Variants in UNC45B observed in about 807,000 individuals in gnomAD.
UNC45B encodes the protein protein unc-45 homolog B.
UNC45B carries 78 observed loss-of-function variants against 98.7 expected under a neutral mutation model. The ratio of observed to expected loss-of-function variants is 0.79; its 90% CI spans 0.66 to 0.95. UNC45B has a LOEUF of 0.95. UNC45B is among the 40% of genes least tolerant of loss of function. UNC45B has a pLI of 0.00. For missense variants in UNC45B, 1,225 were observed against 1,184.9 expected (o/e 1.03, Z -0.50); for synonymous variants, 462 against 480.4 (o/e 0.96, Z 0.50).
chr17:35,168,029 G>C, intron 9 of UNC45B, 32 bp from the exon 10 acceptor site: 1 of 1,429,702 alleles, frequency 7.0e-7, no homozygotes, highest in Non-Finnish European at 9.2e-7. Context: ...TCTTGGACCA[G>C]TTCTCTTGAC....
At position 35,186,667 on chromosome 17, in the gene UNC45B, G is replaced by T; in HGVS notation, c.*108G>T. 1 of 1,294,506 alleles carries T rather than the reference G, an allele frequency of 7.7e-7. No homozygotes were observed. Among genetic ancestry groups the T allele is most frequent in the African/African-American group, 1.5e-5 (1 of 68,124 alleles). The allele number at this position is 1,294,506 out of a possible 1,614,324, so 80.2% of individuals were successfully genotyped here. On this transcript the variant is annotated 3_prime_UTR_variant, in exon 20 of 20. Transcript: ENST00000394570. ...ATCTAGGGATCATAGCAGTGACAAT[G>T]AAGTCTCAATATAAAGGAAAGACTT... is the stretch of plus-strand genomic sequence containing the variant.
chr17:35,153,261 T>G (rs2092033857), intron 5 of UNC45B, among the ~76,000 whole-genome samples: 1 of 152,208 alleles, frequency 6.6e-6, no homozygotes, highest in African/African-American at 2.4e-5. Context: ...ATTTTGATTT[T>G]TAAAAATATA....
At chr17:35,165,631 A>C (rs963174054) in intron 9 of UNC45B, among the ~76,000 whole-genome samples, 1 of 152,134 alleles carries the variant, frequency 6.6e-6, no homozygotes, top group Admixed American at 6.5e-5. Flanking sequence ...CATATTTTTA[A>C]AAATCCTTTA....
chr17:35,148,968 C>T lies in UNC45B; in HGVS notation c.169-5C>T, dbSNP rs1389578511. ...CGAGTCTCCTTCTCCTTCCCCTTTC[C>T]TCAGGAGAGCTACGTCCAGGCAGCT... On this transcript the variant is annotated splice_polypyrimidine_tract_variant and splice_region_variant and intron_variant, in intron 2 of 19. Transcript: ENST00000394570. 21 of 1,613,998 alleles carry T rather than the reference C, an allele frequency of 1.3e-5. No individual in the cohort carries two copies. Among genetic ancestry groups the T allele is most frequent in the African/African-American group, 2.7e-5 (2 of 74,906 alleles).
At chr17:35,156,738 A>T (rs943751153) in intron 7 of UNC45B, among the ~76,000 whole-genome samples, 2 of 152,220 alleles carry the variant, frequency 1.3e-5, no homozygotes, top group Non-Finnish European at 2.9e-5. Context: ...TAAAAATGAG[A>T]ATAAATGCCT....
At chr17:35,183,067 C>A (rs2092283249) in intron 18 of UNC45B, among the ~76,000 whole-genome samples, 1 of 151,700 alleles carries the variant, frequency 6.6e-6, no homozygotes, top group African/African-American at 2.4e-5. Context: ...CCTGAAGGCC[C>A]ATCCATTATG....
rs772894786 is a variant in UNC45B at position 35,149,012 on chromosome 17, G to A, written c.205+3G>A. 3.1e-6 allele frequency: 5 copies of A among 1,614,064 alleles called. No homozygotes were observed. Among genetic ancestry groups the A allele is most frequent in the Non-Finnish European group, 1.7e-6 (2 of 1,180,000 alleles). Reference sequence around the variant, plus strand: ...GGCAGCTTCAGATGCCTCCAGAGGTGAGCCCCTCCCACCTCCAAGCTTGCC... The same window carrying A: ...GGCAGCTTCAGATGCCTCCAGAGGTAAGCCCCTCCCACCTCCAAGCTTGCC... On this transcript the variant is annotated splice_donor_region_variant and intron_variant, in intron 3 of 19. Transcript: ENST00000394570.
At chr17:35,159,699 G>A (rs1241950975) in intron 8 of UNC45B, among the ~76,000 whole-genome samples, 154 bp downstream of exon 8, 1 of 152,086 alleles carries the variant, frequency 6.6e-6, no homozygotes, top group Non-Finnish European at 1.5e-5. Flanking sequence ...TCCACCAGTG[G>A]GCCTGTGAAG....
At chr17:35,175,174 A>G (rs2092224312) in intron 14 of UNC45B, among the ~76,000 whole-genome samples, 1 of 151,960 alleles carries the variant, frequency 6.6e-6, no homozygotes, top group Non-Finnish European at 1.5e-5. Flanking sequence ...AAGGAAAGGA[A>G]GGAAGAGAAG....
chr17:35,181,743 A>G (rs184368602), intron 18 of UNC45B, among the ~76,000 whole-genome samples: 10 of 150,668 alleles, frequency 6.6e-5, no homozygotes, highest in Admixed American at 3.3e-4. Context: ...GTGAGCCGAG[A>G]TCATGCCACT....
At chr17:35,169,735 G>C (rs1380458742) in intron 10 of UNC45B, 102 bp from the exon 11 acceptor site, 2 of 964,850 alleles carry the variant, frequency 2.1e-6, no homozygotes, top group Non-Finnish European at 1.6e-6. Flanking sequence ...AAGAAAGAGG[G>C]GCGAAGTGTT....
chr17:35,159,998 G>T (rs1448856193), intron 8 of UNC45B, among the ~76,000 whole-genome samples: 1 of 152,222 alleles, frequency 6.6e-6, no homozygotes, highest in Non-Finnish European at 1.5e-5. Context: ...CAAGATTACG[G>T]ACATGCCCCG....
intron 4 of UNC45B, 107 bp from the exon 5 acceptor site, chr17:35,152,786 C>T (rs549807018): frequency 6.1e-6 from 5 of 821,492 alleles, no homozygotes; most frequent in East Asian, 2.4e-5. Context: ...AACGTATGTG[C>T]GGGAGCCCAG....
chr17:35,173,616 C>T (rs762658977), intron 13 of UNC45B, among the ~76,000 whole-genome samples: 3 of 152,106 alleles, frequency 2.0e-5, no homozygotes, highest in Non-Finnish European at 4.4e-5. Flanking sequence ...GACCTCACTT[C>T]CATTCCATTG....
At chr17:35,153,737 AGCCCTT>A (rs1281887142) in intron 5 of UNC45B, among the ~76,000 whole-genome samples, 4 of 151,440 alleles carry the variant, frequency 2.6e-5, no homozygotes, top group Non-Finnish European at 5.9e-5. Context: ...AAAAGTACAA[AGCCCTT>A]AGTTGATAGT....
chr17:35,182,103 T>C (rs546289367), intron 18 of UNC45B, among the ~76,000 whole-genome samples: 1 of 151,536 alleles, frequency 6.6e-6, no homozygotes, highest in South Asian at 2.1e-4. Context: ...TTTTTTTTTT[T>C]TTCTGAGATG....
chr17:35,171,576 G>C, intron 13 of UNC45B, 114 bp downstream of exon 13: 2 of 1,326,216 alleles, frequency 1.5e-6, no homozygotes, highest in Non-Finnish European at 2.1e-6. Flanking sequence ...TTGGGTGGTT[G>C]GGGGTAAGAT....
At chr17:35,175,077 A>G (rs952182685) in intron 14 of UNC45B, among the ~76,000 whole-genome samples, 1 of 122,324 alleles carries the variant, frequency 8.2e-6, no homozygotes, top group Admixed American at 7.8e-5. Context: ...GAAAGAAAGA[A>G]AGAAAGAAAG....
intron 13 of UNC45B, among the ~76,000 whole-genome samples, chr17:35,172,981 G>C (rs749425872): frequency 1.3e-5 from 2 of 152,222 alleles, no homozygotes; most frequent in Non-Finnish European, 2.9e-5. Context: ...GAAGAGAGGA[G>C]AGACAATCAC....
Sources: gnomAD v4.1 joint callset for allele counts (sites outside exome capture counted in the v4.1 genomes callset) on GRCh38, gnomAD v4.1.1 for gene constraint, MANE v1.5 for transcripts, NCBI Gene and HGNC (gene_info 2026-07-23, HGNC 2026-07-21) for gene names.